The following JARID2 variants were observed in gnomAD, a reference collection of about 807,000 sequenced individuals.
JARID2 encodes jumonji and AT-rich interaction domain containing 2, also known as protein Jumonji.
Under a neutral mutation model 125.6 loss-of-function variants are expected in JARID2, and 21 were observed. The observed-to-expected ratio is 0.17, with a 90% CI of 0.12 to 0.24. JARID2 has a LOEUF of 0.24. Ranked by LOEUF, JARID2 falls within the 10% of genes least tolerant of loss-of-function variation. JARID2 has a pLI of 1.00. For synonymous variants in JARID2, 736 were observed against 661.6 expected (o/e 1.11, Z -1.73); for missense variants, 1,303 against 1,639.6 (o/e 0.79, Z 3.55).
chr6:15,493,620 TTCCCCAAGG>T (rs1378899882), intron 6 of JARID2, among the ~76,000 whole-genome samples: 2 of 152,130 alleles, frequency 1.3e-5, no homozygotes, highest in Non-Finnish European at 2.9e-5. Context: ...GATAGAGCCC[TTCCCCAAGG>T]TCCTGGATTC....
At chr6:15,462,120 A>G (rs888560055) in intron 4 of JARID2, among the ~76,000 whole-genome samples, 1 of 152,206 alleles carries the variant, frequency 6.6e-6, no homozygotes, top group African/African-American at 2.4e-5. Context: ...AGGGCAATTG[A>G]TAGTAATTTT....
At chr6:15,270,030 T>C (rs990223744) in intron 1 of JARID2, among the ~76,000 whole-genome samples, 1 of 152,240 alleles carries the variant, frequency 6.6e-6, no homozygotes, top group Admixed American at 6.5e-5. Context: ...AAAGGGAACA[T>C]ACTCATTTCT....
chr6:15,520,915 G>A lies in JARID2; in HGVS notation c.*664G>A, dbSNP rs145982223. The A allele has an allele frequency of 7.4e-3, 3,230 of 438,088 alleles. 25 individuals are homozygous for A. Among genetic ancestry groups the A allele is most frequent in the Non-Finnish European group, 1.0e-2 (2,137 of 214,212 alleles). 27.1% of individuals were successfully genotyped at this position (438,088 alleles called of 1,614,324 possible). A position where few individuals can be genotyped will look rare whatever the true frequency, so the allele number is the denominator to read the frequency against. ...ATCACTATGCATCTGTTCCAGGAAAGAAGAAAAGCGAGCGAGGAAGACGGA... is the reference window on the plus strand; with the variant it reads ...ATCACTATGCATCTGTTCCAGGAAAAAAGAAAAGCGAGCGAGGAAGACGGA... On this transcript the variant is annotated 3_prime_UTR_variant, in exon 18 of 18. Coordinates refer to ENST00000341776, the MANE Select transcript of JARID2 (RefSeq NM_004973.4).
intron 2 of JARID2, among the ~76,000 whole-genome samples, chr6:15,399,409 G>A (rs1392300141): frequency 1.3e-5 from 2 of 152,142 alleles, no homozygotes; most frequent in Non-Finnish European, 2.9e-5. Context: ...GAGTATCTCT[G>A]AGGCCCTATG....
chr6:15,299,949 G>T (rs1761545641), intron 1 of JARID2, among the ~76,000 whole-genome samples: 1 of 152,112 alleles, frequency 6.6e-6, no homozygotes, highest in South Asian at 2.1e-4. Flanking sequence ...GGTATCTCAG[G>T]CCCTGTGGAT....
At chr6:15,413,991 T>G (rs1320166933) in intron 3 of JARID2, among the ~76,000 whole-genome samples, 3 of 152,198 alleles carry the variant, frequency 2.0e-5, no homozygotes, top group Non-Finnish European at 2.9e-5. Flanking sequence ...CATTTTCACT[T>G]TATTTTTTAG....
intron 1 of JARID2, among the ~76,000 whole-genome samples, chr6:15,302,394 G>A (rs794784): frequency 0.098 from 14,877 of 151,822 alleles, 911 homozygotes; most frequent in Non-Finnish European, 0.13. Flanking sequence ...CATCCTGGGC[G>A]ACAGAGCGAG....
intron 5 of JARID2, among the ~76,000 whole-genome samples, chr6:15,473,574 C>CTTAAGAGGGGGGT (rs1561887736): frequency 7.1e-6 from 1 of 141,790 alleles, no homozygotes; most frequent in African/African-American, 2.6e-5. Context: ...TACCAAGGTC[C>CTTAAGAGGGGGGT]TTAAGAGGGG....
chr6:15,360,592 T>TGAGTAG (rs1364229566), intron 1 of JARID2, among the ~76,000 whole-genome samples: 1 of 152,146 alleles, frequency 6.6e-6, no homozygotes, highest in Non-Finnish European at 1.5e-5. Context: ...CAAGCGATCT[T>TGAGTAG]CTCACCTCAG....
chr6:15,384,370 G>A (rs984350110), intron 2 of JARID2, among the ~76,000 whole-genome samples: 1 of 136,496 alleles, frequency 7.3e-6, no homozygotes, highest in Non-Finnish European at 1.6e-5. Flanking sequence ...GGCCCACTTT[G>A]ATTTTTTTTT....
At chr6:15,497,650 C>CAAAAA (rs67874437) in intron 7 of JARID2, among the ~76,000 whole-genome samples, 15 of 133,470 alleles carry the variant, frequency 1.1e-4, no homozygotes, top group South Asian at 4.9e-4. Context: ...GATTCCGTCT[C>CAAAAA]AAAAAAAAAA....
intron 3 of JARID2, among the ~76,000 whole-genome samples, chr6:15,441,210 A>G (rs1767432138): frequency 6.6e-6 from 1 of 152,156 alleles, no homozygotes; most frequent in Non-Finnish European, 1.5e-5. Context: ...TGGATTGTAT[A>G]TTCCTAGATG....
chr6:15,440,100 G>C (rs779634776), intron 3 of JARID2, among the ~76,000 whole-genome samples: 1 of 152,222 alleles, frequency 6.6e-6, no homozygotes, highest in African/African-American at 2.4e-5. Context: ...GTAGTCAGAA[G>C]ATATTCTCGT....
chr6:15,337,664 C>G (rs941810268), intron 1 of JARID2, among the ~76,000 whole-genome samples: 3 of 152,094 alleles, frequency 2.0e-5, no homozygotes, highest in African/African-American at 7.2e-5. Context: ...GCTTTCTCCC[C>G]CCACCCCCCT....
intron 4 of JARID2, among the ~76,000 whole-genome samples, chr6:15,467,421 G>A (rs1245310234): frequency 6.6e-6 from 1 of 152,070 alleles, no homozygotes; most frequent in Non-Finnish European, 1.5e-5. Flanking sequence ...TAGACTGAAG[G>A]GGATTTTGTT....
intron 1 of JARID2, among the ~76,000 whole-genome samples, chr6:15,261,311 CTT>C (rs70996526): frequency 2.5e-4 from 32 of 125,796 alleles, no homozygotes; most frequent in African/African-American, 5.8e-4. Context: ...TCTTCTTCTT[CTT>C]TTTTTTTTTT....
At chr6:15,361,531 G>A (rs975468858) in intron 1 of JARID2, among the ~76,000 whole-genome samples, 4 of 152,272 alleles carry the variant, frequency 2.6e-5, no homozygotes, top group South Asian at 2.1e-4. Flanking sequence ...GTAAGGATAG[G>A]AAGAATCGTA....
At chr6:15,339,434 A>T (rs1053243188) in intron 1 of JARID2, among the ~76,000 whole-genome samples, 1 of 152,184 alleles carries the variant, frequency 6.6e-6, no homozygotes, top group African/African-American at 2.4e-5. Context: ...TGGCTACCTC[A>T]GTCTCTTATA....
At chr6:15,358,699 G>A (rs541220866) in intron 1 of JARID2, among the ~76,000 whole-genome samples, 7 of 152,306 alleles carry the variant, frequency 4.6e-5, no homozygotes, top group South Asian at 4.1e-4. Flanking sequence ...AAGCCATTCC[G>A]TGTGCTCTGT....
Sources: gnomAD v4.1 joint callset for allele counts (sites outside exome capture counted in the v4.1 genomes callset) on GRCh38, gnomAD v4.1.1 for gene constraint, MANE v1.5 for transcripts, NCBI Gene and HGNC (gene_info 2026-07-23, HGNC 2026-07-21) for gene names.